GALNTL6: variants seen among roughly 807,000 people sequenced by gnomAD.
GALNTL6 encodes polypeptide N-acetylgalactosaminyltransferase like 6.
In GALNTL6, 46 loss-of-function variants were observed where a neutral mutation model predicts 73.7. That is an observed-to-expected ratio of 0.62 (90% CI 0.49 to 0.80). GALNTL6 has a LOEUF of 0.80. GALNTL6 is among the 30% of genes least tolerant of loss of function. GALNTL6 has a pLI of 0.00. For missense variants in GALNTL6, 604 were observed against 755.0 expected, an observed-to-expected ratio of 0.80 and a Z score of 2.34; for synonymous variants, 259 against 263.7, an observed-to-expected ratio of 0.98 and a Z score of 0.17.
chr4:171,867,750 C>T (rs1447362008), intron 2 of GALNTL6, among the ~76,000 whole-genome samples: 1 of 152,188 alleles, frequency 6.6e-6, no homozygotes, highest in African/African-American at 2.4e-5. Flanking sequence ...TGACTTAAGA[C>T]AGTGTTGGCA....
chr4:172,992,784 T>C (rs1008396142), intron 10 of GALNTL6, among the ~76,000 whole-genome samples: 3 of 152,222 alleles, frequency 2.0e-5, no homozygotes, highest in Non-Finnish European at 4.4e-5. Flanking sequence ...TTTGGCTGCA[T>C]GACTCCTGAG....
chr4:172,947,411 T>G (rs2126329945), intron 9 of GALNTL6, among the ~76,000 whole-genome samples: 1 of 152,320 alleles, frequency 6.6e-6, no homozygotes, highest in East Asian at 1.9e-4. Context: ...ACATGCAATT[T>G]GAGGTTAAAG....
intron 5 of GALNTL6, among the ~76,000 whole-genome samples, chr4:172,694,365 A>G (rs922337285): frequency 1.3e-5 from 2 of 151,294 alleles, no homozygotes; most frequent in African/African-American, 4.9e-5. Flanking sequence ...TCATTGTTCA[A>G]CTCCCACTTA....
At position 171,878,798 on chromosome 4, in the gene GALNTL6, G is replaced by A. The variant is rs188049231; in HGVS notation, c.138+64080G>A. On this transcript the variant is annotated intron_variant, in intron 2 of 12. Transcript: ENST00000506823. ...CCAGTGGGAGGTGATTGGATCTTGG[G>A]GGCAGTTTCTCATGGTTTAACACCA... Among the ~76,000 whole-genome samples the A allele has an allele frequency of 1.1e-4, 17 of 152,144 alleles. No homozygotes were observed. The East Asian group carries it at 2.9e-3, about 26-fold the overall frequency.
At position 172,809,978 on chromosome 4, in the gene GALNTL6, G is replaced by T. The variant is rs1343097133; in HGVS notation, c.739+432G>T. Reference sequence around the variant, plus strand: ...TGAACAAGTATTACAGGATTGTTAAGAAAAGAGGAAGGAAAATTATTCATC... The same window carrying T: ...TGAACAAGTATTACAGGATTGTTAATAAAAGAGGAAGGAAAATTATTCATC... On this transcript the variant is annotated intron_variant, in intron 6 of 12. Transcript: ENST00000506823. The surrounding 1 kb of genome is among the most constrained non-coding windows in gnomAD (Gnocchi z 4.4). Among the ~76,000 whole-genome samples, 1 of 150,750 alleles carries T rather than the reference G, an allele frequency of 6.6e-6. No individual in the cohort carries two copies. The highest frequency in any genetic ancestry group is 1.5e-5 in the Non-Finnish European group (1 of 67,710).
At position 171,909,325 on chromosome 4, in the gene GALNTL6, T is replaced by C. The variant is rs530597649; in HGVS notation, c.138+94607T>C. Among the ~76,000 whole-genome samples, 4 of 152,234 alleles carry C rather than the reference T, an allele frequency of 2.6e-5. No individual in the cohort carries two copies. In the South Asian group the frequency reaches 8.3e-4, roughly 32 times the overall value. ...ATACTTTGAAACTACTGTATATTAT[T>C]TAAGCCATAGATGATCCAGGGTTAT... is the stretch of plus-strand genomic sequence containing the variant. On this transcript the variant is annotated intron_variant, in intron 2 of 12. Transcript: ENST00000506823.
intron 2 of GALNTL6, among the ~76,000 whole-genome samples, chr4:171,882,628 G>A (rs1262006492): frequency 6.6e-6 from 1 of 152,174 alleles, no homozygotes; most frequent in East Asian, 1.9e-4. Flanking sequence ...AAGCCGAAGA[G>A]CTTAGAGTCT....
intron 5 of GALNTL6, among the ~76,000 whole-genome samples, chr4:172,752,250 G>C (rs1306116191): frequency 6.6e-6 from 1 of 151,882 alleles, no homozygotes; most frequent in Non-Finnish European, 1.5e-5. Context: ...ATTCAAGAAG[G>C]CTGAATGCTT....
chr4:172,539,407 C>G (rs1735467170), intron 5 of GALNTL6, among the ~76,000 whole-genome samples: 2 of 152,196 alleles, frequency 1.3e-5, no homozygotes, highest in South Asian at 4.1e-4. Flanking sequence ...TTTCAACTTT[C>G]TGTTTCTCAT....
chr4:172,712,487 G>A (rs1734769186), intron 5 of GALNTL6, among the ~76,000 whole-genome samples: 1 of 151,800 alleles, frequency 6.6e-6, no homozygotes, highest in African/African-American at 2.4e-5. Flanking sequence ...GTTCCCCTTT[G>A]ATTTACCATT....
intron 3 of GALNTL6, among the ~76,000 whole-genome samples, chr4:172,265,582 G>A (rs568780969): frequency 6.6e-6 from 1 of 151,996 alleles, no homozygotes. Context: ...AAGAAAGAAA[G>A]CTCTTATTGT....
At chr4:172,107,321 A>G (rs1295315094) in intron 2 of GALNTL6, among the ~76,000 whole-genome samples, 2 of 152,208 alleles carry the variant, frequency 1.3e-5, no homozygotes, top group African/African-American at 4.8e-5. Context: ...ACAAAATCAG[A>G]TAACTTATTA....
chr4:172,264,664 A>T (rs947814122), intron 3 of GALNTL6, among the ~76,000 whole-genome samples: 1 of 144,822 alleles, frequency 6.9e-6, no homozygotes, highest in Non-Finnish European at 1.5e-5. Context: ...GTGTGTATGT[A>T]TGTATGTGTA....
chr4:171,885,102 A>G (rs1471734855), intron 2 of GALNTL6, among the ~76,000 whole-genome samples: 2 of 151,988 alleles, frequency 1.3e-5, no homozygotes, highest in Non-Finnish European at 2.9e-5. Context: ...TTTAGTGTAA[A>G]ATTAAAATAC....
In GALNTL6 at chr4:171,927,337, A is replaced by T. The variant is rs147068673; in HGVS notation, c.138+112619A>T. 2.6e-5 allele frequency among the ~76,000 whole-genome samples: 4 copies of T among 152,146 alleles called. No homozygotes were observed. In the East Asian group the frequency reaches 7.7e-4, roughly 29 times the overall value. ...AAGAGTCAGCTTGCTACATTTTAAC[A>T]ATAATATTCTGTAGATTGAGGTAGG... On this transcript the variant is annotated intron_variant, in intron 2 of 12. Transcript: ENST00000506823.
intron 2 of GALNTL6, among the ~76,000 whole-genome samples, chr4:171,845,971 G>A (rs1735357731): frequency 6.6e-6 from 1 of 152,034 alleles, no homozygotes; most frequent in South Asian, 2.1e-4. Context: ...GAGTTTACAT[G>A]GTCATTCACT....
At chr4:172,712,359 G>A (rs888836635) in intron 5 of GALNTL6, among the ~76,000 whole-genome samples, 4 of 152,110 alleles carry the variant, frequency 2.6e-5, no homozygotes, top group Non-Finnish European at 5.9e-5. Context: ...AGTTACGTAT[G>A]TATACATGTG....
chr4:172,236,149 C>T (rs1327766380), intron 3 of GALNTL6, among the ~76,000 whole-genome samples: 1 of 152,146 alleles, frequency 6.6e-6, no homozygotes, highest in East Asian at 1.9e-4. Context: ...TCCAGTGTTT[C>T]ACATTGTATT....
intron 5 of GALNTL6, among the ~76,000 whole-genome samples, chr4:172,356,623 C>A (rs563251312): frequency 6.6e-6 from 1 of 152,220 alleles, no homozygotes; most frequent in Non-Finnish European, 1.5e-5. Flanking sequence ...TAACAAAATT[C>A]TCCCCTAATA....
Sources: gnomAD v4.1 joint callset for allele counts (sites outside exome capture counted in the v4.1 genomes callset) on GRCh38, gnomAD v4.1.1 for gene constraint, Gnocchi (gnomAD v3.1) non-coding constraint, MANE v1.5 for transcripts, NCBI Gene and HGNC (gene_info 2026-07-23, HGNC 2026-07-21) for gene names.